Variants in TNFRSF19 observed in about 807,000 individuals in gnomAD.
TNFRSF19 encodes TNF receptor superfamily member 19, also known as tumor necrosis factor receptor superfamily member 19.
In TNFRSF19, 27 loss-of-function variants were observed where a neutral mutation model predicts 46.4. The observed-to-expected ratio is 0.58, with a 90% confidence interval of 0.43 to 0.80. TNFRSF19 has a LOEUF of 0.80. Ranked by LOEUF, TNFRSF19 falls within the 30% of genes least tolerant of loss-of-function variation. TNFRSF19 has a pLI of 0.00. For missense variants in TNFRSF19, 511 were observed against 530.8 expected, an observed-to-expected ratio of 0.96 and a Z score of 0.37; for synonymous variants, 204 against 205.0, an observed-to-expected ratio of 1.00 and a Z score of 0.04.
chr13:23,591,826 A>G (rs892062514), intron 2 of TNFRSF19, among the ~76,000 whole-genome samples: 3 of 151,436 alleles, frequency 2.0e-5, no homozygotes, highest in Non-Finnish European at 4.4e-5. Context: ...CCCAGTTTCA[A>G]GTGATTCTCC....
chr13:23,661,488 T>G (rs1304245105), intron 7 of TNFRSF19, among the ~76,000 whole-genome samples: 5 of 152,238 alleles, frequency 3.3e-5, no homozygotes, highest in Non-Finnish European at 7.3e-5. Context: ...TTGTGAATAG[T>G]GCAGCAGTGA....
At chr13:23,604,994 A>C (rs904452826) in intron 3 of TNFRSF19, among the ~76,000 whole-genome samples, 3 of 152,196 alleles carry the variant, frequency 2.0e-5, no homozygotes, top group Non-Finnish European at 4.4e-5. Context: ...GAAAATTTCC[A>C]CTCTGCATAA....
At chr13:23,607,616 T>C (rs143229200) in intron 3 of TNFRSF19, among the ~76,000 whole-genome samples, 20 of 152,316 alleles carry the variant, frequency 1.3e-4, no homozygotes, top group African/African-American at 4.6e-4. Context: ...GACCAAACTA[T>C]TGATATATAC....
Position 23,674,582 on chromosome 13 carries a change from G to C in TNFRSF19, c.*1202G>C, listed in dbSNP as rs1411142407. 2 of 152,192 alleles carry C rather than the reference G, an allele frequency of 1.3e-5. No homozygotes were observed. Among genetic ancestry groups the C allele is most frequent in the Non-Finnish European group, 2.9e-5 (2 of 68,038 alleles). The allele number at this position is 152,192 out of a possible 1,614,324, so 9.4% of individuals were successfully genotyped here. A position where few individuals can be genotyped will look rare whatever the true frequency, so the allele number is the denominator to read the frequency against. ...CCCCTACCATCTACACATTAGCATT[G>C]TCTCTAGAGCTAAGACAGAAATTAA... On this transcript the variant is annotated 3_prime_UTR_variant, in exon 10 of 10. Coordinates refer to ENST00000248484, the MANE Select transcript of TNFRSF19 (RefSeq NM_148957.4).
rs191560479 is a variant in TNFRSF19, at chr13:23,674,980, C to T, written c.*1600C>T. On this transcript the variant is annotated 3_prime_UTR_variant, in exon 10 of 10. Transcript: ENST00000248484. Reference sequence around the variant, plus strand: ...GTACATCTCATGACCTCAATTCCCTCACCTGAAATAGGAAATGAGAATGTT... The same window carrying T: ...GTACATCTCATGACCTCAATTCCCTTACCTGAAATAGGAAATGAGAATGTT... 18 of 152,304 alleles carry T rather than the reference C, an allele frequency of 1.2e-4. No individual in the cohort carries two copies. The highest frequency in any genetic ancestry group is 2.6e-4 in the Admixed American group (4 of 15,304). The allele number at this position is 152,304 out of a possible 1,614,324, so 9.4% of individuals were successfully genotyped here.
chr13:23,647,260 A>G (rs1883387218), intron 5 of TNFRSF19, among the ~76,000 whole-genome samples: 1 of 152,124 alleles, frequency 6.6e-6, no homozygotes. Flanking sequence ...GGTGTCCTTT[A>G]AAGCACAAAA....
chr13:23,613,545 C>T (rs1388506385), intron 3 of TNFRSF19, among the ~76,000 whole-genome samples: 1 of 152,204 alleles, frequency 6.6e-6, no homozygotes, highest in Non-Finnish European at 1.5e-5. Context: ...TACTTCTCCT[C>T]CTTCTTCTTT....
At chr13:23,621,780 A>T (rs1593263296) in intron 4 of TNFRSF19, among the ~76,000 whole-genome samples, 1 of 19,250 alleles carries the variant, frequency 5.2e-5, no homozygotes, top group Admixed American at 3.9e-4. Flanking sequence ...CCTATCTCTA[A>T]AAAAAAAAAA....
intron 4 of TNFRSF19, among the ~76,000 whole-genome samples, chr13:23,616,955 C>A (rs1881340631): frequency 6.6e-6 from 1 of 152,090 alleles, no homozygotes; most frequent in Admixed American, 6.6e-5. Flanking sequence ...AAGATGATAA[C>A]TGCTATGGAA....
chr13:23,573,800 C>T (rs542881939), intron 1 of TNFRSF19, among the ~76,000 whole-genome samples: 15 of 152,262 alleles, frequency 9.9e-5, no homozygotes, highest in African/African-American at 3.4e-4. Context: ...CGGTGGCTCA[C>T]GCCTGTAATC....
intron 5 of TNFRSF19, among the ~76,000 whole-genome samples, chr13:23,657,470 A>AT (rs1884055207): frequency 6.6e-6 from 1 of 152,172 alleles, no homozygotes; most frequent in Non-Finnish European, 1.5e-5. Flanking sequence ...TATGATAGCC[A>AT]TTAGCCACAT....
intron 7 of TNFRSF19, 102 bp from the exon 8 acceptor site, chr13:23,667,878 A>T: frequency 9.9e-7 from 1 of 1,006,260 alleles, no homozygotes; most frequent in Non-Finnish European, 1.4e-6. Flanking sequence ...AAAGTCACCC[A>T]AAGGGAAACA....
rs536799179 is a variant in TNFRSF19 at position 23,670,372 on chromosome 13, C to G, written c.1245+1275C>G. ...GAGAACTTTTAGGGGATTCTATAGA[C>G]AAAACATTTTTTAGCTTTGGAGGGA... On this transcript the variant is annotated intron_variant, in intron 9 of 9. Transcript: ENST00000248484. Among the ~76,000 whole-genome samples, 3 of 151,958 alleles carry G rather than the reference C, an allele frequency of 2.0e-5. 1 individual carries two copies. Among genetic ancestry groups the G allele is most frequent in the Admixed American group, 2.0e-4 (3 of 15,262 alleles).
intron 1 of TNFRSF19, among the ~76,000 whole-genome samples, chr13:23,580,958 T>C (rs1450926235): frequency 6.6e-6 from 1 of 152,230 alleles, no homozygotes; most frequent in African/African-American, 2.4e-5. Context: ...GTGCTAACTC[T>C]GAGAGGTGGT....
chr13:23,622,247 C>T (rs1193378209), intron 4 of TNFRSF19, among the ~76,000 whole-genome samples: 1 of 138,854 alleles, frequency 7.2e-6, no homozygotes, highest in African/African-American at 2.6e-5. Context: ...ACTAAAAATG[C>T]AAAAAACAAA....
rs547607148 is a variant in TNFRSF19 at position 23,669,388 on chromosome 13, T to G, written c.1245+291T>G. The G allele has an allele frequency of 8.4e-5, 99 of 1,174,516 alleles. 1 individual carries two copies. The African/African-American group carries it at 1.5e-3, about 17-fold the overall frequency. The allele number at this position is 1,174,516 out of a possible 1,614,324, so 72.8% of individuals were successfully genotyped here. A position where few individuals can be genotyped will look rare whatever the true frequency, so the allele number is the denominator to read the frequency against. ...TCCTTCCCTGGTTGAGAGAGGTGAG[T>G]CGGGTATGGGAGCATCTTGCAGACA... On this transcript the variant is annotated intron_variant, in intron 9 of 9. Coordinates refer to ENST00000248484, the MANE Select transcript of TNFRSF19 (RefSeq NM_148957.4).
chr13:23,584,755 T>C (rs1261068009), intron 1 of TNFRSF19, among the ~76,000 whole-genome samples: 2 of 152,140 alleles, frequency 1.3e-5, no homozygotes, highest in Non-Finnish European at 1.5e-5. Context: ...AAATACCTTG[T>C]AATTTGAAAA....
intron 5 of TNFRSF19, among the ~76,000 whole-genome samples, chr13:23,648,140 T>G (rs922766420): frequency 6.6e-6 from 1 of 152,228 alleles, no homozygotes; most frequent in African/African-American, 2.4e-5. Context: ...CATTGAATTT[T>G]GACAGGAATT....
chr13:23,638,129 C>T (rs1240573262), intron 5 of TNFRSF19, among the ~76,000 whole-genome samples: 4 of 92,658 alleles, frequency 4.3e-5, no homozygotes, highest in African/African-American at 1.2e-4. Flanking sequence ...TTAAAAGCTT[C>T]ATTGTTTCAT....
Sources: allele counts gnomAD v4.1 joint callset (sites outside exome capture counted in the v4.1 genomes callset), GRCh38; gene constraint gnomAD v4.1.1; transcripts MANE v1.5; gene names NCBI Gene and HGNC (gene_info 2026-07-23, HGNC 2026-07-21).